Variants in KIT observed in about 807,000 individuals in gnomAD.
KIT encodes mast/stem cell growth factor receptor Kit.
KIT carries 16 observed loss-of-function variants against 105.7 expected under a neutral mutation model. That is an observed-to-expected ratio of 0.15 (90% CI 0.10 to 0.23). The LOEUF (loss-of-function observed/expected upper bound fraction) is 0.23, where lower values mean the gene tolerates loss of function less well. Ranked by LOEUF, KIT falls within the 10% of genes least tolerant of loss-of-function variation. KIT has a pLI of 1.00. For synonymous variants in KIT, 438 were observed against 441.1 expected (o/e 0.99, Z 0.09); for missense variants, 858 against 1,213.8 (o/e 0.71, Z 4.36).
intron 1 of KIT, among the ~76,000 whole-genome samples, chr4:54,695,258 G>C (rs547110294): frequency 1.3e-5 from 2 of 152,298 alleles, no homozygotes; most frequent in South Asian, 2.1e-4. Flanking sequence ...CCCAGAGAAG[G>C]CTGGGGCATT....
intron 2 of KIT, among the ~76,000 whole-genome samples, chr4:54,697,175 C>G (rs1720129031): frequency 6.6e-6 from 1 of 152,158 alleles, no homozygotes. Context: ...CAGTAACTAG[C>G]TATGGCCTGG....
In KIT at chr4:54,731,968, A is replaced by G; in HGVS notation, c.2331A>G (p.Ala777=). 1 of 1,613,688 alleles carries G rather than the reference A, an allele frequency of 6.2e-7. No individual in the cohort carries two copies. Among genetic ancestry groups the G allele is most frequent in the African/African-American group, 1.3e-5 (1 of 74,956 alleles). Reference sequence around the variant, plus strand: ...TGCTGAGCTTTTCTTACCAGGTGGCAAAGGGCATGGCTTTCCTCGCCTCCA... The same window carrying G: ...TGCTGAGCTTTTCTTACCAGGTGGCGAAGGGCATGGCTTTCCTCGCCTCCA... The part of the protein sequence containing the change: ...EDLLSFSYQV[A]KGMAFLASKN... The change falls in exon 16 of 21, where the codon GCA becomes GCG. Residue 777 remains alanine (A), a synonymous_variant. Coordinates refer to ENST00000288135, the MANE Select transcript of KIT (RefSeq NM_000222.3).
chr4:54,733,007 G>C (rs773188704), intron 16 of KIT, 63 bp from the exon 17 acceptor site: 1 of 1,446,266 alleles, frequency 6.9e-7, no homozygotes, highest in Non-Finnish European at 9.7e-7. Context: ...TAAAAAGTTA[G>C]TTTTCACTCT....
chr4:54,740,223 G>A lies in KIT; in HGVS notation c.*1666G>A, dbSNP rs1723166226. The A allele has an allele frequency of 4.3e-6, 1 of 233,458 alleles. No homozygotes were observed. Among genetic ancestry groups the A allele is most frequent in the African/African-American group, 2.2e-5 (1 of 45,338 alleles). The allele number at this position is 233,458 out of a possible 1,614,324, so 14.5% of individuals were successfully genotyped here. On this transcript the variant is annotated 3_prime_UTR_variant, in exon 21 of 21. Transcript: ENST00000288135. The stretch of plus-strand genomic sequence containing the variant: ...GTAACCATTTGCACTGGAGTTCTAT[G>A]CTCTCGCACCTTTCCAAAGTTAACA...
chr4:54,690,058 T>TGGGGGG (rs1184112956), intron 1 of KIT, among the ~76,000 whole-genome samples: 1 of 93,960 alleles, frequency 1.1e-5, no homozygotes, highest in African/African-American at 3.6e-5. Flanking sequence ...TTTTTTTTTG[T>TGGGGGG]GGGGGGGGGG....
chr4:54,695,604 A>T lies in KIT; in HGVS notation c.160A>T (p.Ile54Phe), dbSNP rs1560393393. 6.2e-7 allele frequency: 1 copy of T among 1,614,060 alleles called. No homozygotes were observed. Among genetic ancestry groups the T allele is most frequent in the South Asian group, 1.1e-5 (1 of 91,086 alleles). The change falls in exon 2 of 21, where the codon ATT becomes TTT. Residue 54 changes from isoleucine to phenylalanine, a missense_variant. This residue lies in a region of KIT where 401 missense variants were observed against 601.0 expected (regional missense o/e 0.67). Coordinates refer to ENST00000288135, the MANE Select transcript of KIT (RefSeq NM_000222.3). ...SDLIVRVGDE[I>F]RLLCTDPGFV... ...CTTAATAGTCCGCGTGGGCGACGAG[A>T]TTAGGCTGTTATGCACTGATCCGGG...
chr4:54,672,428 A>G (rs145341806), intron 1 of KIT, among the ~76,000 whole-genome samples: 1 of 151,760 alleles, frequency 6.6e-6, no homozygotes, highest in African/African-American at 2.4e-5. Context: ...TTTTGGTTTT[A>G]ATGGTTGCCT....
chr4:54,733,369 A>G, intron 17 of KIT, 177 bp downstream of exon 17: 1 of 600,748 alleles, frequency 1.7e-6, no homozygotes, highest in South Asian at 1.8e-5. Context: ...CATTACTACA[A>G]CTAACATTCA....
chr4:54,659,937 T>G (rs1292516012), intron 1 of KIT, among the ~76,000 whole-genome samples: 1 of 152,150 alleles, frequency 6.6e-6, no homozygotes, highest in African/African-American at 2.4e-5. Context: ...GGTTCTCGGT[T>G]TCTCTGCCAT....
chr4:54,712,037 C>T (rs978052836), intron 7 of KIT, among the ~76,000 whole-genome samples: 1 of 151,948 alleles, frequency 6.6e-6, no homozygotes, highest in Non-Finnish European at 1.5e-5. Context: ...AAGAGATGAC[C>T]GTAGGTAAAT....
rs535210863 is a variant in KIT at position 54,716,452 on chromosome 4, G to A, written c.1231+6913G>A. Among the ~76,000 whole-genome samples, 6 of 151,944 alleles carry A rather than the reference G, an allele frequency of 3.9e-5. No homozygotes were observed. The South Asian group carries it at 1.2e-3, about 32-fold the overall frequency. On this transcript the variant is annotated intron_variant, in intron 7 of 20. Coordinates refer to ENST00000288135, the MANE Select transcript of KIT (RefSeq NM_000222.3). ...ATCAAGTTTTATTTTTACTTTTTATGTTTATTTACTTTTTATAGGTTACCA... is the reference window on the plus strand; with the variant it reads ...ATCAAGTTTTATTTTTACTTTTTATATTTATTTACTTTTTATAGGTTACCA...
Position 54,727,447 on chromosome 4 carries a change from T to C in KIT, c.1679T>C (p.Val560Ala), listed in dbSNP as rs121913521. Residue 560 changes from valine to alanine, a missense_variant, in exon 11 of 21, where the codon GTT (valine) becomes GCT (alanine). Val to Ala is a moderately conservative substitution (Grantham distance 64, BLOSUM62 0). This residue lies in a region of KIT where 78 missense variants were observed against 77.6 expected (regional missense o/e 1.01). Coordinates refer to ENST00000288135, the MANE Select transcript of KIT (RefSeq NM_000222.3). ...KPMYEVQWKV[V>A]EEINGNNYVY... ...ATGTATGAAGTACAGTGGAAGGTTG[T>C]TGAGGAGATAAATGGAAACAATTAT... 6.2e-7 allele frequency: 1 copy of C among 1,614,118 alleles called. No homozygotes were observed. Among genetic ancestry groups the C allele is most frequent in the Non-Finnish European group, 8.5e-7 (1 of 1,179,980 alleles).
At chr4:54,726,166 C>T (rs968756901) in intron 9 of KIT, 116 bp downstream of exon 9, 5 of 810,860 alleles carry the variant, frequency 6.2e-6, no homozygotes, top group Non-Finnish European at 1.0e-5. Flanking sequence ...ACATGCATCA[C>T]ACCATACTGT....
intron 7 of KIT, among the ~76,000 whole-genome samples, chr4:54,712,644 A>G (rs1156788648): frequency 1.3e-5 from 2 of 152,160 alleles, no homozygotes; most frequent in Non-Finnish European, 1.5e-5. Context: ...CAGCAGGCTC[A>G]GTTTTAATCA....
intron 1 of KIT, among the ~76,000 whole-genome samples, chr4:54,659,587 G>T (rs1352578786): frequency 6.6e-6 from 1 of 152,102 alleles, no homozygotes; most frequent in African/African-American, 2.4e-5. Context: ...GCTTTCCTGT[G>T]GGGGGCAGAG....
intron 1 of KIT, among the ~76,000 whole-genome samples, chr4:54,664,479 C>T (rs972929166): frequency 6.6e-6 from 1 of 152,160 alleles, no homozygotes; most frequent in South Asian, 2.1e-4. Context: ...ACATACTCCC[C>T]AGCCTGTTCC....
intron 19 of KIT, 61 bp from the exon 20 acceptor site, chr4:54,737,114 A>G (rs931073907): frequency 7.3e-6 from 8 of 1,100,052 alleles, no homozygotes; most frequent in Middle Eastern, 2.0e-4. Context: ...CTGGATGCCC[A>G]TACATTTGAA....
chr4:54,718,628 G>A (rs1327146336), intron 7 of KIT, among the ~76,000 whole-genome samples: 1 of 152,158 alleles, frequency 6.6e-6, no homozygotes, highest in Non-Finnish European at 1.5e-5. Flanking sequence ...ATATTTACCT[G>A]AAATATGTAT....
intron 14 of KIT, among the ~76,000 whole-genome samples, chr4:54,730,156 C>G (rs1380779785): frequency 6.6e-6 from 1 of 152,152 alleles, no homozygotes; most frequent in African/African-American, 2.4e-5. Context: ...CTTCTCATAT[C>G]TTGCCTATTC....
Sources: gnomAD v4.1 joint callset for allele counts (sites outside exome capture counted in the v4.1 genomes callset) on GRCh38, gnomAD v4.1.1 for gene constraint, gnomAD v4.1.1 regional missense constraint, MANE v1.5 for transcripts, NCBI Gene and HGNC (gene_info 2026-07-23, HGNC 2026-07-21) for gene names.